EYA2: variants seen among roughly 807,000 people sequenced by gnomAD.
EYA2 encodes protein phosphatase EYA2.
EYA2 carries 31 observed loss-of-function variants against 69.2 expected under a neutral mutation model. The ratio of observed to expected loss-of-function variants is 0.45; its 90% CI spans 0.34 to 0.60. The LOEUF (loss-of-function observed/expected upper bound fraction) is 0.60, where lower values mean the gene tolerates loss of function less well. Ranked by LOEUF, EYA2 falls within the 20% of genes least tolerant of loss-of-function variation. The pLI, the probability that EYA2 is intolerant of heterozygous loss-of-function variation, is 0.02. For synonymous variants in EYA2, 257 were observed against 279.4 expected (o/e 0.92, Z 0.80); for missense variants, 622 against 701.2 (o/e 0.89, Z 1.28).
At chr20:47,115,842 G>A (rs150802856) in intron 9 of EYA2, among the ~76,000 whole-genome samples, 1,773 of 152,278 alleles carry the variant, frequency 0.012, 15 homozygotes, top group Middle Eastern at 0.048. Context: ...GGCCCCGGGC[G>A]GTCCAGCCCC....
intron 5 of EYA2, among the ~76,000 whole-genome samples, chr20:47,018,741 A>G (rs1727724740): frequency 6.6e-6 from 1 of 152,232 alleles, no homozygotes; most frequent in Non-Finnish European, 1.5e-5. Context: ...TCTTACAGCA[A>G]CCGCGTGAGG....
chr20:47,014,486 AG>A lies in EYA2; in HGVS notation c.299-1694del, dbSNP rs1983280021. 2.0e-5 allele frequency among the ~76,000 whole-genome samples: 3 copies of A among 152,320 alleles called. No individual in the cohort carries two copies. In the South Asian group the frequency reaches 6.2e-4, roughly 32 times the overall value. ...GGTTGTGGAGAAGCAGGACTCACTC[AG>A]TGACTGGAGAGAATGTCACCTACAA... On this transcript the variant is annotated intron_variant, in intron 4 of 15. Transcript: ENST00000327619.
intron 1 of EYA2, among the ~76,000 whole-genome samples, chr20:46,965,438 C>T (rs1037727418): frequency 2.0e-5 from 3 of 152,258 alleles, no homozygotes; most frequent in Non-Finnish European, 4.4e-5. Flanking sequence ...ACCAGGCACC[C>T]CAGGGCACAG....
At chr20:46,942,432 A>G (rs6018197) in intron 1 of EYA2, among the ~76,000 whole-genome samples, 9,155 of 151,774 alleles carry the variant, frequency 0.06, 819 homozygotes, top group African/African-American at 0.2. Flanking sequence ...TTAGGGGGGG[A>G]AAACTCTCTT....
intron 12 of EYA2, among the ~76,000 whole-genome samples, chr20:47,174,596 G>A (rs1207825917): frequency 2.0e-5 from 3 of 152,292 alleles, no homozygotes; most frequent in Non-Finnish European, 2.9e-5. Context: ...TCATGGCTGC[G>A]GTGCTAATGC....
chr20:47,137,048 C>A lies in EYA2; in HGVS notation c.889-6011C>A, dbSNP rs1336885745. 2.0e-5 allele frequency among the ~76,000 whole-genome samples: 3 copies of A among 152,166 alleles called. No homozygotes were observed. In the South Asian group the frequency reaches 6.2e-4, roughly 32 times the overall value. ...CATTCCATCCACCCCCACCCCTTAG[C>A]CCCCAGCATGGTCCTTCCCAGGATG... On this transcript the variant is annotated intron_variant, in intron 9 of 15. Coordinates refer to ENST00000327619, the MANE Select transcript of EYA2 (RefSeq NM_005244.5).
chr20:46,941,760 T>C (rs1250776274), intron 1 of EYA2, among the ~76,000 whole-genome samples: 1 of 152,106 alleles, frequency 6.6e-6, no homozygotes, highest in African/African-American at 2.4e-5. Context: ...TGGGTTCTTT[T>C]TTCTTTTTTT....
At chr20:47,106,144 A>G (rs927559515) in intron 9 of EYA2, among the ~76,000 whole-genome samples, 3 of 152,042 alleles carry the variant, frequency 2.0e-5, no homozygotes, top group Non-Finnish European at 4.4e-5. Context: ...AACTTTTTCC[A>G]CTTGAGTCAA....
chr20:46,902,442 A>G (rs1003694677), intron 1 of EYA2, among the ~76,000 whole-genome samples: 14 of 152,120 alleles, frequency 9.2e-5, no homozygotes, highest in African/African-American at 2.9e-4. Flanking sequence ...TATTATTTCT[A>G]TTTTACAGAT....
intron 5 of EYA2, among the ~76,000 whole-genome samples, chr20:47,032,387 C>A (rs1984467925): frequency 6.6e-6 from 1 of 152,156 alleles, no homozygotes; most frequent in Admixed American, 6.5e-5. Flanking sequence ...TCTTACACTG[C>A]TTTTTATTTT....
chr20:47,057,819 G>A (rs895438019), intron 5 of EYA2, among the ~76,000 whole-genome samples: 2 of 151,948 alleles, frequency 1.3e-5, no homozygotes, highest in Admixed American at 1.3e-4. Context: ...AAGGCAGGCA[G>A]TGGCCTGTGC....
At chr20:47,011,343 AC>A (rs1475915031) in intron 4 of EYA2, among the ~76,000 whole-genome samples, 1 of 152,100 alleles carries the variant, frequency 6.6e-6, no homozygotes, top group Non-Finnish European at 1.5e-5. Flanking sequence ...ATCACGGAGC[AC>A]CTGCTCAGGG....
intron 5 of EYA2, among the ~76,000 whole-genome samples, chr20:47,023,830 G>A (rs1983920217): frequency 6.6e-6 from 1 of 151,970 alleles, no homozygotes. Flanking sequence ...TGGAGATGGG[G>A]TTTTGCCATG....
At chr20:47,080,230 T>C (rs928886781) in intron 7 of EYA2, among the ~76,000 whole-genome samples, 9 of 151,906 alleles carry the variant, frequency 5.9e-5, no homozygotes, top group African/African-American at 1.7e-4. Flanking sequence ...ATAATATACA[T>C]TTCAGTGACC....
intron 1 of EYA2, among the ~76,000 whole-genome samples, chr20:46,970,671 T>G (rs1050255289): frequency 3.9e-5 from 6 of 152,186 alleles, no homozygotes; most frequent in African/African-American, 1.4e-4. Flanking sequence ...ATTATTTCAG[T>G]GGAATACTAT....
At chr20:47,083,753 C>T (rs978793847) in intron 7 of EYA2, among the ~76,000 whole-genome samples, 1 of 152,032 alleles carries the variant, frequency 6.6e-6, no homozygotes, top group African/African-American at 2.4e-5. Flanking sequence ...TCATATGTAA[C>T]ACCAAAAATA....
At chr20:47,052,748 G>C (rs574136858) in intron 5 of EYA2, among the ~76,000 whole-genome samples, 9 of 151,932 alleles carry the variant, frequency 5.9e-5, no homozygotes, top group Non-Finnish European at 1.2e-4. Context: ...CAGCCCCCAA[G>C]TAGCTGGGAC....
At chr20:47,127,481 G>A (rs2033224022) in intron 9 of EYA2, among the ~76,000 whole-genome samples, 1 of 152,186 alleles carries the variant, frequency 6.6e-6, no homozygotes, top group Non-Finnish European at 1.5e-5. Flanking sequence ...GCACACACCT[G>A]TAATCCCAGC....
At chr20:47,094,745 A>G (rs949638368) in intron 8 of EYA2, among the ~76,000 whole-genome samples, 15 of 152,228 alleles carry the variant, frequency 9.9e-5, no homozygotes, top group Non-Finnish European at 2.9e-5. Context: ...AAAATAAAGA[A>G]CAAGATTAGC....
Sources: allele counts gnomAD v4.1 joint callset (sites outside exome capture counted in the v4.1 genomes callset), GRCh38; gene constraint gnomAD v4.1.1; transcripts MANE v1.5; gene names NCBI Gene and HGNC (gene_info 2026-07-23, HGNC 2026-07-21).